Variants in USP48 observed in about 807,000 individuals in gnomAD.
The protein encoded by USP48 is ubiquitin carboxyl-terminal hydrolase 48.
USP48 carries 43 observed loss-of-function variants against 150.7 expected under a neutral mutation model. That is an observed-to-expected ratio of 0.29 (90% CI 0.22 to 0.37). The LOEUF is 0.37. USP48 is among the 10% of genes least tolerant of loss of function. USP48 has a pLI of 1.00. For synonymous variants in USP48, 396 were observed against 425.9 expected, an observed-to-expected ratio of 0.93 and a Z score of 0.86; for missense variants, 813 against 1,249.6, an observed-to-expected ratio of 0.65 and a Z score of 5.27.
chr1:21,737,361 T>C lies in USP48; in HGVS notation c.992-736A>G, dbSNP rs142286181. Among the ~76,000 whole-genome samples the C allele has an allele frequency of 6.6e-5, 10 of 152,266 alleles. 1 individual carries two copies. In the East Asian group the frequency reaches 1.9e-3, roughly 29 times the overall value. On this transcript the variant is annotated intron_variant, in intron 8 of 26. Transcript: ENST00000308271. Reference sequence around the variant, plus strand: ...AATATAGGGATGAAAACTTAAAAAATCTAGAATGATACTGCACTCAGATTT... The same window carrying C: ...AATATAGGGATGAAAACTTAAAAAACCTAGAATGATACTGCACTCAGATTT...
At chr1:21,681,505 G>A (rs180900416) in intron 25 of USP48, among the ~76,000 whole-genome samples, 178 of 151,854 alleles carry the variant, frequency 1.2e-3, no homozygotes, top group African/African-American at 4.0e-3. Context: ...CAAGTGATCC[G>A]CCCGCCACAG....
intron 1 of USP48, among the ~76,000 whole-genome samples, chr1:21,772,269 G>C (rs1177722178): frequency 1.3e-5 from 2 of 151,926 alleles, no homozygotes; most frequent in African/African-American, 2.4e-5. Flanking sequence ...CGTACCAAAA[G>C]GAAAAAAAGC....
At chr1:21,764,600 T>G in intron 1 of USP48, among the ~76,000 whole-genome samples, 1 of 142,674 alleles carries the variant, frequency 7.0e-6, no homozygotes, top group Admixed American at 7.2e-5. Flanking sequence ...CCAGCTACTC[T>G]GGAGGCTGAG....
intron 14 of USP48, 134 bp downstream of exon 14, chr1:21,720,902 C>G: frequency 8.4e-7 from 1 of 1,187,766 alleles, no homozygotes; most frequent in Non-Finnish European, 1.2e-6. Context: ...CTGGCACAAC[C>G]GCTGGGCTCA....
chr1:21,772,840 C>T (rs1297266103), intron 1 of USP48, among the ~76,000 whole-genome samples: 4 of 147,720 alleles, frequency 2.7e-5, no homozygotes, highest in African/African-American at 7.5e-5. Context: ...AAGAATAGCT[C>T]GAATCTGGGA....
rs1038866204 is a variant in USP48, at chr1:21,753,050, C to T, written c.482G>A (p.Arg161Gln). The T allele has an allele frequency of 3.1e-6, 5 of 1,612,732 alleles. No homozygotes were observed. Among genetic ancestry groups the T allele is most frequent in the African/African-American group, 1.3e-5 (1 of 74,802 alleles). The change falls in exon 4 of 27, where the codon CGA becomes CAA. Residue 161 changes from arginine to glutamine, a missense_variant. Coordinates refer to ENST00000308271, the MANE Select transcript of USP48 (RefSeq NM_032236.8). ...AACAAATCCTGATGGATCAATGTAT[C>T]GCCTATTACTGTTTTGCAACAAGGC... ...LFALLQNSNR[R>Q]YIDPSGFVKA...
At chr1:21,756,417 G>T in intron 3 of USP48, 129 bp downstream of exon 3, 1 of 1,120,194 alleles carries the variant, frequency 8.9e-7, no homozygotes, top group Non-Finnish European at 1.3e-6. Flanking sequence ...GGAGGCAGAC[G>T]TTGCAGTGAA....
chr1:21,782,934 C>T lies in USP48; in HGVS notation c.24G>A (p.Glu8=). MAPRLQL[E]KAAWRWAETV... Reference sequence around the variant, plus strand: ...TCTCCGCCCAGCGCCAGGCCGCCTTCTCCAGCTGCAGCCGCGGGGCCATGG... The same window carrying T: ...TCTCCGCCCAGCGCCAGGCCGCCTTTTCCAGCTGCAGCCGCGGGGCCATGG... The change falls in exon 1 of 27, where the codon GAG becomes GAA. Residue 8 remains glutamate, a synonymous_variant. Transcript: ENST00000308271. The T allele has an allele frequency of 6.5e-7, 1 of 1,548,694 alleles. No individual in the cohort carries two copies.
chr1:21,695,362 A>C lies in USP48; in HGVS notation c.2728-141T>G, dbSNP rs1024126355. 1.0e-5 allele frequency: 9 copies of C among 887,552 alleles called. No individual in the cohort carries two copies. In the African/African-American group the frequency reaches 1.4e-4, roughly 14 times the overall value. The allele number at this position is 887,552 out of a possible 1,614,324, so 55.0% of individuals were successfully genotyped here. On this transcript the variant is annotated intron_variant, in intron 22 of 26. Coordinates refer to ENST00000308271, the MANE Select transcript of USP48 (RefSeq NM_032236.8). ...AAATTCAATGTAAACAATGAGTAGA[A>C]ACTAACGAGACTTTCTTAGCAGGCT...
chr1:21,765,468 T>A (rs2097859369), intron 1 of USP48, among the ~76,000 whole-genome samples: 1 of 151,924 alleles, frequency 6.6e-6, no homozygotes, highest in Non-Finnish European at 1.5e-5. Context: ...AATTCAAAAA[T>A]GTGCCAGGCA....
chr1:21,782,705 G>A, intron 1 of USP48, 119 bp downstream of exon 1: 3 of 1,371,306 alleles, frequency 2.2e-6, no homozygotes, highest in South Asian at 3.1e-5. Context: ...ACTCCACCTC[G>A]CTCGGCTCCG....
At chr1:21,748,962 T>A (rs1320499418) in intron 6 of USP48, among the ~76,000 whole-genome samples, 4 of 152,106 alleles carry the variant, frequency 2.6e-5, no homozygotes. Flanking sequence ...AAACGATATA[T>A]GGGCACCAGA....
intron 1 of USP48, among the ~76,000 whole-genome samples, chr1:21,779,529 C>T (rs61777167): frequency 6.6e-6 from 1 of 151,466 alleles, no homozygotes; most frequent in African/African-American, 2.4e-5. Context: ...CTGGGCAACA[C>T]AGAGAGACTC....
chr1:21,766,569 T>C (rs187887980), intron 1 of USP48, among the ~76,000 whole-genome samples: 7 of 152,298 alleles, frequency 4.6e-5, no homozygotes, highest in African/African-American at 1.7e-4. Context: ...ATCAAAGATT[T>C]CACAGTTGCT....
intron 23 of USP48, among the ~76,000 whole-genome samples, chr1:21,693,988 T>C (rs2097613023): frequency 1.3e-5 from 2 of 152,230 alleles, no homozygotes; most frequent in Non-Finnish European, 2.9e-5. Context: ...GTCAACTTTT[T>C]GGATATCTAT....
intron 8 of USP48, among the ~76,000 whole-genome samples, chr1:21,743,105 T>C (rs1163502746): frequency 2.6e-5 from 4 of 151,952 alleles, no homozygotes; most frequent in Non-Finnish European, 5.9e-5. Context: ...CTGAGAAAGG[T>C]GATATATTTC....
At chr1:21,725,583 C>G (rs140223469) in intron 11 of USP48, among the ~76,000 whole-genome samples, 6,047 of 152,148 alleles carry the variant, frequency 0.04, 157 homozygotes, top group Middle Eastern at 0.095. Flanking sequence ...GAAACCCCGT[C>G]TGTACTAAAA....
At chr1:21,700,501 G>A (rs2097652315) in intron 22 of USP48, among the ~76,000 whole-genome samples, 1 of 152,120 alleles carries the variant, frequency 6.6e-6, no homozygotes, top group Non-Finnish European at 1.5e-5. Context: ...ATGCAGACAG[G>A]CCAACAAGCC....
In USP48 at chr1:21,759,932, A is replaced by C. The variant is rs369914877; in HGVS notation, c.135-2149T>G. 5.3e-5 allele frequency among the ~76,000 whole-genome samples: 8 copies of C among 152,338 alleles called. No individual in the cohort carries two copies. The South Asian group carries it at 1.7e-3, about 32-fold the overall frequency. On this transcript the variant is annotated intron_variant, in intron 1 of 26. Coordinates refer to ENST00000308271, the MANE Select transcript of USP48 (RefSeq NM_032236.8). ...ACAATGTCTCAAAGTATCTCAGAAA[A>C]AGTTAATTACAAAGGGAAAGATAAT...
Sources: gnomAD v4.1 joint callset for allele counts (sites outside exome capture counted in the v4.1 genomes callset) on GRCh38, gnomAD v4.1.1 for gene constraint, MANE v1.5 for transcripts, NCBI Gene and HGNC (gene_info 2026-07-23, HGNC 2026-07-21) for gene names.